Variants in MRAP2 observed in about 807,000 individuals in gnomAD.
The protein encoded by MRAP2 is melanocortin-2 receptor accessory protein 2.
In MRAP2, 20 loss-of-function variants were observed where a neutral mutation model predicts 17.4. That is an observed-to-expected ratio of 1.15 (90% CI 0.81 to 1.67). The LOEUF (loss-of-function observed/expected upper bound fraction) is 1.67. MRAP2 is among the 40% of genes most tolerant of loss of function. The pLI is 0.00. For synonymous variants in MRAP2, 96 were observed against 88.4 expected (o/e 1.09, Z -0.48); for missense variants, 238 against 240.0 (o/e 0.99, Z 0.05).
chr6:84,144,049 G>A, the MRAP2 span, among the ~76,000 whole-genome samples: 14 of 151,886 alleles, frequency 9.2e-5, no homozygotes, highest in African/African-American at 2.9e-4. Flanking sequence ...TTAATCAAAT[G>A]TTTTAAACTT....
intron 3 of MRAP2, among the ~76,000 whole-genome samples, chr6:84,078,996 AC>A (rs1253030718): frequency 7.2e-5 from 11 of 152,124 alleles, no homozygotes; most frequent in African/African-American, 2.7e-4. Context: ...ACTTTGGAAA[AC>A]CCTTTGCAGT....
chr6:84,142,490 T>G, the MRAP2 span, among the ~76,000 whole-genome samples: 1 of 152,154 alleles, frequency 6.6e-6, no homozygotes, highest in Non-Finnish European at 1.5e-5. Flanking sequence ...CACTATTTAA[T>G]TGGCTTACAG....
the MRAP2 span, among the ~76,000 whole-genome samples, chr6:84,114,733 G>A: frequency 6.6e-6 from 1 of 152,236 alleles, no homozygotes; most frequent in South Asian, 2.1e-4. Flanking sequence ...GCTCTTTGAT[G>A]TTGGTGACCT....
intron 1 of MRAP2, among the ~76,000 whole-genome samples, chr6:84,051,733 G>T (rs1238709292): frequency 6.6e-6 from 1 of 152,182 alleles, no homozygotes; most frequent in Non-Finnish European, 1.5e-5. Context: ...AAAAAAAGGG[G>T]AGCGGGGAGG....
chr6:84,063,170 T>G (rs565370557), intron 3 of MRAP2, 178 bp downstream of exon 3: 2 of 985,430 alleles, frequency 2.0e-6, no homozygotes, highest in East Asian at 2.3e-4. Flanking sequence ...GCTTTTTGTT[T>G]CTTGCGTCTT....
intron 3 of MRAP2, among the ~76,000 whole-genome samples, chr6:84,070,087 A>G (rs2099495819): frequency 6.6e-6 from 1 of 151,592 alleles, no homozygotes; most frequent in Non-Finnish European, 1.5e-5. Flanking sequence ...TTTCAATTTC[A>G]TTTAGTTCTG....
intron 3 of MRAP2, among the ~76,000 whole-genome samples, chr6:84,076,460 G>A (rs2099497653): frequency 6.6e-6 from 1 of 152,084 alleles, no homozygotes; most frequent in African/African-American, 2.4e-5. Context: ...CTACCCTCAG[G>A]TGATCCACCT....
At chr6:84,122,352 C>CAAAAAAAAAAAAAAAAAAAAAAAAACA in the MRAP2 span, among the ~76,000 whole-genome samples, 1 of 36,150 alleles carries the variant, frequency 2.8e-5, no homozygotes, top group Non-Finnish European at 5.0e-5. Flanking sequence ...ACAGCACATC[C>CAAAAAAAAAAAAAAAAAAAAAAAAACA]AAAAAAAAAA....
chr6:84,036,255 C>T (rs560962204), intron 1 of MRAP2, among the ~76,000 whole-genome samples: 196 of 151,796 alleles, frequency 1.3e-3, no homozygotes, highest in African/African-American at 4.5e-3. Context: ...GTTCATCATG[C>T]AAAGGAATAT....
chr6:84,088,953 C>T (rs755073292), intron 3 of MRAP2, 138 bp from the exon 4 acceptor site: 7 of 882,608 alleles, frequency 7.9e-6, no homozygotes, highest in South Asian at 1.9e-5. Flanking sequence ...TCATGTTTGT[C>T]TGCATGCCAT....
At chr6:84,065,606 G>A (rs2099494480) in intron 3 of MRAP2, among the ~76,000 whole-genome samples, 1 of 152,178 alleles carries the variant, frequency 6.6e-6, no homozygotes, top group South Asian at 2.1e-4. Context: ...AAGAACCAAT[G>A]GAGTTTTGTG....
chr6:84,044,831 T>C (rs375519620), intron 1 of MRAP2, among the ~76,000 whole-genome samples: 2 of 152,236 alleles, frequency 1.3e-5, no homozygotes, highest in African/African-American at 4.8e-5. Context: ...CTTATTCACA[T>C]TGTAGTACAG....
At chr6:84,119,460 G>GTGTT in the MRAP2 span, among the ~76,000 whole-genome samples, 1 of 152,180 alleles carries the variant, frequency 6.6e-6, no homozygotes, top group Non-Finnish European at 1.5e-5. Context: ...ATGAGGTCTA[G>GTGTT]TGTTTATTTT....
At chr6:84,075,045 G>C (rs909985146) in intron 3 of MRAP2, among the ~76,000 whole-genome samples, 1 of 152,186 alleles carries the variant, frequency 6.6e-6, no homozygotes, top group Admixed American at 6.5e-5. Flanking sequence ...TTTATTTCTT[G>C]CTTAAACTCC....
At chr6:84,066,784 G>A (rs781053103) in intron 3 of MRAP2, among the ~76,000 whole-genome samples, 8 of 152,224 alleles carry the variant, frequency 5.3e-5, no homozygotes, top group East Asian at 1.9e-4. Context: ...AAGTCTCTTC[G>A]GTGCTGAAGT....
chr6:84,037,064 T>C (rs1383117081), intron 1 of MRAP2, among the ~76,000 whole-genome samples: 5 of 147,018 alleles, frequency 3.4e-5, no homozygotes, highest in African/African-American at 1.0e-4. Flanking sequence ...CTGATTGGTG[T>C]ATTTACAATC....
In MRAP2 at chr6:84,089,814, T is replaced by G. The variant is rs945530542; in HGVS notation, c.*333T>G. ...AACTTTATTAAAACATGAGTTTTGTTTTTTTTTTTGCTATTTTTTTTAAAG... is the reference window on the plus strand; with the variant it reads ...AACTTTATTAAAACATGAGTTTTGTGTTTTTTTTTGCTATTTTTTTTAAAG... On this transcript the variant is annotated 3_prime_UTR_variant, in exon 4 of 4. Coordinates refer to ENST00000257776, the MANE Select transcript of MRAP2 (RefSeq NM_138409.4). 28 of 222,174 alleles carry G rather than the reference T, an allele frequency of 1.3e-4. No individual in the cohort carries two copies. Among genetic ancestry groups the G allele is most frequent in the South Asian group, 6.7e-4 (5 of 7,432 alleles). The allele number at this position is 222,174 out of a possible 1,614,324, so 13.8% of individuals were successfully genotyped here.
chr6:84,110,317 G>T, the MRAP2 span, among the ~76,000 whole-genome samples: 1 of 152,162 alleles, frequency 6.6e-6, no homozygotes, highest in African/African-American at 2.4e-5. Flanking sequence ...TTGTGGTTTT[G>T]ATTTGCATTT....
the MRAP2 span, among the ~76,000 whole-genome samples, chr6:84,099,453 C>G: frequency 1.3e-5 from 2 of 152,122 alleles, no homozygotes; most frequent in Admixed American, 1.3e-4. Context: ...CCCTCCAAAT[C>G]TCATGTTTAA....
Sources: gnomAD v4.1 joint callset for allele counts (sites outside exome capture counted in the v4.1 genomes callset) on GRCh38, gnomAD v4.1.1 for gene constraint, MANE v1.5 for transcripts, NCBI Gene and HGNC (gene_info 2026-07-23, HGNC 2026-07-21) for gene names.